ATP13A3: variants seen among roughly 807,000 people sequenced by gnomAD.
The protein encoded by ATP13A3 is ATPase 13A3.
Under a neutral mutation model 158.1 loss-of-function variants are expected in ATP13A3, and 59 were observed. That is an observed-to-expected ratio of 0.37 (90% confidence interval 0.30 to 0.46). The LOEUF (loss-of-function observed/expected upper bound fraction) is 0.46. ATP13A3 is among the 20% of genes least tolerant of loss of function. The pLI is 1.00. For missense variants in ATP13A3, 1,166 were observed against 1,525.2 expected, an observed-to-expected ratio of 0.76 and a Z score of 3.92; for synonymous variants, 491 against 504.3, an observed-to-expected ratio of 0.97 and a Z score of 0.35.
chr3:194,479,504 G>GA (rs1720667738), intron 2 of ATP13A3, among the ~76,000 whole-genome samples: 2 of 151,792 alleles, frequency 1.3e-5, no homozygotes, highest in African/African-American at 4.8e-5. Flanking sequence ...AATGAGCTTA[G>GA]AAAACTGGTG....
At chr3:194,446,142 A>C (rs1385896418) in intron 14 of ATP13A3, among the ~76,000 whole-genome samples, 1 of 152,222 alleles carries the variant, frequency 6.6e-6, no homozygotes, top group East Asian at 1.9e-4. Flanking sequence ...GCAAATAAGC[A>C]ATATCCAAAG....
intron 9 of ATP13A3, among the ~76,000 whole-genome samples, 156 bp downstream of exon 9, chr3:194,454,102 C>T (rs1420795464): frequency 6.6e-6 from 1 of 152,004 alleles, no homozygotes; most frequent in African/African-American, 2.4e-5. Flanking sequence ...ACCAGCAAAA[C>T]AAACAAAAAG....
At position 194,447,005 on chromosome 3, in the gene ATP13A3, C is replaced by T; in HGVS notation, c.1419G>A (p.Leu473=). Residue 473 remains leucine (L), a synonymous_variant, in exon 14 of 34, where the codon CTG becomes CTA. Coordinates refer to ENST00000645319, the MANE Select transcript of ATP13A3 (RefSeq NM_001367549.1). ...TGATACAGAAAATACCGATTTTTTT[C>T]AGTCTTCTCTGAGCATACACAATAC... ...TAGIVYAQRR[L]KKIGIFCISP... The T allele has an allele frequency of 6.2e-7, 1 of 1,613,162 alleles. No homozygotes were observed. The highest frequency in any genetic ancestry group is 8.5e-7 in the Non-Finnish European group (1 of 1,179,704).
intron 2 of ATP13A3, among the ~76,000 whole-genome samples, chr3:194,485,252 G>T (rs1252258075): frequency 6.6e-6 from 1 of 152,064 alleles, no homozygotes; most frequent in Non-Finnish European, 1.5e-5. Context: ...TTAATAATAG[G>T]TTTACTACTT....
At chr3:194,476,780 TC>T (rs981950103) in intron 2 of ATP13A3, among the ~76,000 whole-genome samples, 8 of 151,582 alleles carry the variant, frequency 5.3e-5, no homozygotes, top group Admixed American at 5.2e-4. Context: ...TTTTTTTTTT[TC>T]AAAACAATTA....
intron 14 of ATP13A3, among the ~76,000 whole-genome samples, chr3:194,445,382 A>G (rs1718332828): frequency 6.6e-6 from 1 of 152,236 alleles, no homozygotes; most frequent in South Asian, 2.1e-4. Context: ...TAGAAAAACT[A>G]AAGAATTGCT....
intron 21 of ATP13A3, 46 bp downstream of exon 21, chr3:194,433,726 C>T: frequency 6.2e-7 from 1 of 1,606,538 alleles, no homozygotes; most frequent in African/African-American, 1.3e-5. Flanking sequence ...ATAACTTCAG[C>T]TCTGTCACAC....
intron 2 of ATP13A3, among the ~76,000 whole-genome samples, chr3:194,477,772 C>T (rs1301462148): frequency 6.6e-6 from 1 of 152,260 alleles, no homozygotes; most frequent in African/African-American, 2.4e-5. Context: ...CTGACTGGGC[C>T]CCCCAGAAGT....
chr3:194,474,213 G>A (rs1233868938), intron 2 of ATP13A3, among the ~76,000 whole-genome samples: 1 of 152,104 alleles, frequency 6.6e-6, no homozygotes, highest in Non-Finnish European at 1.5e-5. Flanking sequence ...ACCCAGGCTG[G>A]AAGACAGTGG....
intron 2 of ATP13A3, among the ~76,000 whole-genome samples, chr3:194,462,744 T>C (rs1030315744): frequency 9.2e-5 from 14 of 152,242 alleles, no homozygotes; most frequent in Admixed American, 1.3e-4. Flanking sequence ...TATCAAACTT[T>C]AGATGACCCT....
chr3:194,406,907 A>C (rs1714980261), intron 33 of ATP13A3, among the ~76,000 whole-genome samples: 1 of 152,230 alleles, frequency 6.6e-6, no homozygotes, highest in African/African-American at 2.4e-5. Context: ...ACGACTGGAA[A>C]GGGGTATAAA....
chr3:194,437,064 C>T (rs763185689), intron 20 of ATP13A3, 31 bp downstream of exon 20: 2 of 1,606,038 alleles, frequency 1.2e-6, no homozygotes, highest in Non-Finnish European at 1.7e-6. Flanking sequence ...ATGATGATGA[C>T]TGGGAAACTA....
intron 2 of ATP13A3, among the ~76,000 whole-genome samples, chr3:194,485,389 C>T (rs1243210756): frequency 6.6e-6 from 1 of 152,152 alleles, no homozygotes; most frequent in Admixed American, 6.6e-5. Flanking sequence ...AAAATAATGT[C>T]ACATATATTC....
chr3:194,444,659 T>C (rs1448013518), intron 15 of ATP13A3, 66 bp downstream of exon 15: 6 of 1,360,996 alleles, frequency 4.4e-6, no homozygotes, highest in Non-Finnish European at 1.0e-6. Context: ...CCTTTATGTT[T>C]GAATGTTGCA....
intron 16 of ATP13A3, 72 bp from the exon 17 acceptor site, chr3:194,439,044 T>C: frequency 2.1e-6 from 2 of 971,490 alleles, no homozygotes; most frequent in South Asian, 3.4e-5. Flanking sequence ...ACTGAATTCA[T>C]GGTTCCATTT....
chr3:194,410,772 T>G (rs1715349059), intron 33 of ATP13A3, among the ~76,000 whole-genome samples: 1 of 152,150 alleles, frequency 6.6e-6, no homozygotes, highest in Non-Finnish European at 1.5e-5. Flanking sequence ...AGATCAATAG[T>G]CAGAGATCTC....
rs770577247 is a variant in ATP13A3, at chr3:194,454,325, T to C, written c.698A>G (p.Tyr233Cys). Residue 233 changes from tyrosine (Y) to cysteine (C), a missense_variant, in exon 9 of 34, where the codon TAC becomes TGC. Physicochemically the swap from Tyr to Cys is radical, Grantham distance 194 (BLOSUM62 -2). Around this residue, in one of 3 missense-constraint regions of ATP13A3, gnomAD observed 997 missense variants for 1,341.2 expected, o/e 0.74. Coordinates refer to ENST00000645319, the MANE Select transcript of ATP13A3 (RefSeq NM_001367549.1). ...CATAACCACAATAGCTAGAGCATAG[T>C]AATAGTATTCATCAGTGCTCCACAG... is the stretch of plus-strand genomic sequence containing the variant. ...VILWSTDEYY[Y>C]YALAIVVMSI... is the part of the protein sequence containing the mutation. 6.2e-7 allele frequency: 1 copy of C among 1,607,160 alleles called. No individual in the cohort carries two copies. The highest frequency in any genetic ancestry group is 2.2e-5 in the East Asian group (1 of 44,812).
At chr3:194,478,698 C>G (rs966933723) in intron 2 of ATP13A3, among the ~76,000 whole-genome samples, 3 of 152,088 alleles carry the variant, frequency 2.0e-5, no homozygotes, top group Non-Finnish European at 4.4e-5. Context: ...GATGGAGATT[C>G]TGAACTTTTG....
intron 31 of ATP13A3, among the ~76,000 whole-genome samples, chr3:194,415,692 C>G (rs1249523012): frequency 1.0e-5 from 1 of 96,032 alleles, no homozygotes; most frequent in African/African-American, 4.8e-5. Flanking sequence ...TTTTTTGAGA[C>G]GGAGTCTCGC....
Sources: allele counts gnomAD v4.1 joint callset (sites outside exome capture counted in the v4.1 genomes callset), GRCh38; gene constraint gnomAD v4.1.1; regional missense constraint gnomAD v4.1.1; transcripts MANE v1.5; gene names NCBI Gene and HGNC (gene_info 2026-07-23, HGNC 2026-07-21).